CFAP44: variants seen among roughly 807,000 people sequenced by gnomAD.
CFAP44 encodes cilia- and flagella-associated protein 44.
Under a neutral mutation model 216.2 loss-of-function variants are expected in CFAP44, and 134 were observed. The ratio of observed to expected loss-of-function variants is 0.62; its 90% CI spans 0.54 to 0.72. The LOEUF is 0.72. Among genes scored for constraint, CFAP44 ranks in the 30% least tolerant of loss-of-function variants. The pLI is 0.00. For missense variants in CFAP44, 2,035 were observed against 2,182.1 expected (o/e 0.93, Z 1.34); for synonymous variants, 700 against 727.6 (o/e 0.96, Z 0.61).
intron 2 of CFAP44, among the ~76,000 whole-genome samples, chr3:113,431,207 C>T (rs747064253): frequency 9.9e-5 from 15 of 152,114 alleles, no homozygotes; most frequent in Admixed American, 4.6e-4. Context: ...CCTCTTCACG[C>T]AGCAACAAGG....
At chr3:113,333,667 A>C (rs1950258928) in intron 24 of CFAP44, 84 bp from the exon 25 acceptor site, 2 of 1,317,560 alleles carry the variant, frequency 1.5e-6, no homozygotes, top group Non-Finnish European at 9.8e-7. Flanking sequence ...CATATATTCA[A>C]ATTTAATCAT....
intron 32 of CFAP44, among the ~76,000 whole-genome samples, chr3:113,299,587 A>G (rs1262643747): frequency 2.0e-5 from 3 of 152,192 alleles, no homozygotes; most frequent in Admixed American, 6.5e-5. Context: ...AAAGGAAATC[A>G]GTATATTGAA....
At chr3:113,345,900 T>A (rs1310744593) in intron 22 of CFAP44, among the ~76,000 whole-genome samples, 1 of 152,252 alleles carries the variant, frequency 6.6e-6, no homozygotes, top group African/African-American at 2.4e-5. Context: ...TATTTCTTTT[T>A]AATTTTCCCT....
chr3:113,298,623 G>A (rs1304142201), intron 32 of CFAP44, among the ~76,000 whole-genome samples: 4 of 152,144 alleles, frequency 2.6e-5, no homozygotes, highest in African/African-American at 4.8e-5. Flanking sequence ...AACAAAATGT[G>A]GCATGTACAT....
Position 113,316,277 on chromosome 3 carries a change from C to T in CFAP44, c.4517-8009G>A, listed in dbSNP as rs11916698. 1.9e-3 allele frequency among the ~76,000 whole-genome samples: 289 copies of T among 152,202 alleles called. 2 individuals are homozygous for T. Among genetic ancestry groups the T allele is most frequent in the African/African-American group, 5.7e-3 (237 of 41,528 alleles). On this transcript the variant is annotated intron_variant, in intron 28 of 34. Coordinates refer to ENST00000393845, the MANE Select transcript of CFAP44 (RefSeq NM_001164496.2). ...GAAAATTAAAAATCCAACTTAAAATCTGTGAGATGCAGCCAAAGCAGAGTT... is the reference window on the plus strand; with the variant it reads ...GAAAATTAAAAATCCAACTTAAAATTTGTGAGATGCAGCCAAAGCAGAGTT...
At chr3:113,312,074 T>G (rs1229131821) in intron 28 of CFAP44, among the ~76,000 whole-genome samples, 4 of 61,770 alleles carry the variant, frequency 6.5e-5, no homozygotes, top group South Asian at 4.8e-4. Context: ...TGTGTGTGTG[T>G]TTTTTTTTTT....
chr3:113,414,483 A>G (rs545513331), intron 6 of CFAP44, among the ~76,000 whole-genome samples: 10 of 152,122 alleles, frequency 6.6e-5, no homozygotes, highest in Non-Finnish European at 1.0e-4. Context: ...TCAATATGAT[A>G]TTGGCTGTGG....
rs773626116 is a variant in CFAP44 at position 113,331,718 on chromosome 3, G to A, written c.3616-1050C>T. 3.3e-5 allele frequency among the ~76,000 whole-genome samples: 5 copies of A among 151,752 alleles called. No individual in the cohort carries two copies. The East Asian group carries it at 9.7e-4, about 29-fold the overall frequency. On this transcript the variant is annotated intron_variant, in intron 25 of 34. Transcript: ENST00000393845. ...TGGCTGTAAGGCCTACCTTTTTAAG[G>A]AGACTCTTCACACATCAACTCTTTC...
intron 6 of CFAP44, 105 bp from the exon 7 acceptor site, chr3:113,409,427 T>C (rs1247826960): frequency 1.0e-6 from 1 of 965,548 alleles, no homozygotes; most frequent in East Asian, 2.6e-5. Context: ...GATGTAAGAA[T>C]GCCAAGAATA....
intron 6 of CFAP44, among the ~76,000 whole-genome samples, chr3:113,414,007 C>T (rs958565122): frequency 1.3e-5 from 2 of 152,104 alleles, no homozygotes; most frequent in Admixed American, 6.6e-5. Flanking sequence ...AATGTTTTTC[C>T]GTTTGTTTGT....
intron 21 of CFAP44, 32 bp from the exon 22 acceptor site, chr3:113,358,907 G>C: frequency 1.3e-6 from 2 of 1,530,716 alleles, no homozygotes; most frequent in Non-Finnish European, 1.7e-6. Context: ...CATCAAAATG[G>C]GTACTGTATC....
intron 1 of CFAP44, among the ~76,000 whole-genome samples, chr3:113,440,360 CTAT>C (rs139273415): frequency 0.013 from 1,958 of 152,220 alleles, 31 homozygotes; most frequent in African/African-American, 0.036. Context: ...CGCGCACAGC[CTAT>C]TATTATTATT....
intron 32 of CFAP44, among the ~76,000 whole-genome samples, chr3:113,297,839 GATTCA>G (rs1394436779): frequency 6.6e-6 from 1 of 152,198 alleles, no homozygotes; most frequent in Non-Finnish European, 1.5e-5. Flanking sequence ...GCAGCAAGAT[GATTCA>G]ATTCTTTTAT....
intron 22 of CFAP44, among the ~76,000 whole-genome samples, chr3:113,347,928 C>T (rs1023866355): frequency 3.9e-5 from 6 of 152,146 alleles, no homozygotes; most frequent in Middle Eastern, 3.2e-3. Context: ...CGATTTTTCT[C>T]GGTCCTCATT....
At chr3:113,308,713 T>C (rs950804631) in intron 28 of CFAP44, among the ~76,000 whole-genome samples, 4 of 151,996 alleles carry the variant, frequency 2.6e-5, no homozygotes, top group South Asian at 2.1e-4. Context: ...ACCTCAGCCT[T>C]CTGAGTAGCT....
intron 8 of CFAP44, among the ~76,000 whole-genome samples, chr3:113,404,816 T>C (rs569142459): frequency 6.6e-6 from 1 of 152,232 alleles, no homozygotes; most frequent in South Asian, 2.1e-4. Flanking sequence ...CACAAAACAG[T>C]TAAGTAACTT....
intron 1 of CFAP44, chr3:113,434,563 A>T (rs3732806): frequency 0.25 from 37,724 of 152,030 alleles, 5,411 homozygotes; most frequent in East Asian, 0.58. Context: ...TCTGTCTATA[A>T]TGCAGCTTTT....
intron 18 of CFAP44, 112 bp downstream of exon 18, chr3:113,373,299 G>A (rs1576577089): frequency 1.9e-6 from 2 of 1,052,888 alleles, no homozygotes; most frequent in Non-Finnish European, 2.5e-6. Flanking sequence ...AATATTTTTT[G>A]AGTACCCCTT....
intron 22 of CFAP44, among the ~76,000 whole-genome samples, chr3:113,350,642 T>A (rs1950435651): frequency 6.6e-6 from 1 of 152,216 alleles, no homozygotes; most frequent in Non-Finnish European, 1.5e-5. Context: ...ACCCGTAGCC[T>A]TCCTATCAGA....
Sources: allele counts gnomAD v4.1 joint callset (sites outside exome capture counted in the v4.1 genomes callset), GRCh38; gene constraint gnomAD v4.1.1; transcripts MANE v1.5; gene names NCBI Gene and HGNC (gene_info 2026-07-23, HGNC 2026-07-21).